The following SGCZ variants were observed in gnomAD, a reference collection of about 807,000 sequenced individuals.
SGCZ encodes sarcoglycan zeta, also known as zeta-sarcoglycan.
Under a neutral mutation model 41.3 loss-of-function variants are expected in SGCZ, and 40 were observed. The ratio of observed to expected loss-of-function variants is 0.97; its 90% CI spans 0.75 to 1.26. SGCZ has a LOEUF of 1.26. Ranked by LOEUF, SGCZ falls within the 50% of genes most tolerant of loss-of-function variation. The pLI, the probability that SGCZ is intolerant of heterozygous loss-of-function variation, is 0.00. For synonymous variants in SGCZ, 206 were observed against 137.5 expected, an observed-to-expected ratio of 1.50 and a Z score of -3.49; for missense variants, 552 against 369.8, an observed-to-expected ratio of 1.49 and a Z score of -4.04.
chr8:14,591,784 T>C (rs1805247974), intron 1 of SGCZ, among the ~76,000 whole-genome samples: 1 of 152,180 alleles, frequency 6.6e-6, no homozygotes. Context: ...AAAAGCACTT[T>C]TGACATTCAT....
chr8:15,182,812 G>T (rs1163827438), intron 1 of SGCZ, among the ~76,000 whole-genome samples: 1 of 152,014 alleles, frequency 6.6e-6, no homozygotes, highest in Non-Finnish European at 1.5e-5. Flanking sequence ...CTTTATCAAG[G>T]TTATAATTTT....
chr8:14,979,471 A>T (rs1195992170), intron 1 of SGCZ, among the ~76,000 whole-genome samples: 3 of 152,232 alleles, frequency 2.0e-5, no homozygotes, highest in African/African-American at 7.2e-5. Context: ...TCTCTTTTGG[A>T]AATTTTAATG....
chr8:14,428,387 A>G (rs1454614164), intron 2 of SGCZ, among the ~76,000 whole-genome samples: 1 of 152,010 alleles, frequency 6.6e-6, no homozygotes, highest in Non-Finnish European at 1.5e-5. Flanking sequence ...GACTTACATT[A>G]ACTTTATTAT....
intron 5 of SGCZ, among the ~76,000 whole-genome samples, chr8:14,153,774 A>G (rs1012645723): frequency 1.3e-5 from 2 of 152,050 alleles, no homozygotes; most frequent in African/African-American, 4.8e-5. Context: ...CTAACCCTCA[A>G]TGTGATTGAG....
intron 1 of SGCZ, among the ~76,000 whole-genome samples, chr8:15,175,978 A>G (rs987674654): frequency 2.0e-5 from 3 of 152,206 alleles, no homozygotes; most frequent in Non-Finnish European, 4.4e-5. Context: ...AGACAGCATT[A>G]AACACCAGGA....
At chr8:14,255,758 G>C (rs1222676364) in intron 3 of SGCZ, among the ~76,000 whole-genome samples, 1 of 151,990 alleles carries the variant, frequency 6.6e-6, no homozygotes, top group Non-Finnish European at 1.5e-5. Flanking sequence ...TAATGTGTGG[G>C]ATGAGAAATA....
At chr8:14,250,415 C>G (rs981080944) in intron 3 of SGCZ, among the ~76,000 whole-genome samples, 1 of 152,072 alleles carries the variant, frequency 6.6e-6, no homozygotes, top group East Asian at 1.9e-4. Flanking sequence ...AGTTAAGCTA[C>G]ATTTTCTAAT....
At chr8:14,729,644 A>AAATCAATCAATC (rs56104484) in intron 1 of SGCZ, among the ~76,000 whole-genome samples, 7 of 150,748 alleles carry the variant, frequency 4.6e-5, no homozygotes, top group East Asian at 2.0e-4. Flanking sequence ...AGAGCGTTAA[A>AAATCAATCAATC]AATCAATCAA....
intron 1 of SGCZ, among the ~76,000 whole-genome samples, chr8:15,127,336 T>A (rs1188785897): frequency 2.0e-5 from 3 of 151,910 alleles, no homozygotes; most frequent in Admixed American, 2.0e-4. Flanking sequence ...TAATTACAAC[T>A]AAGTGATATG....
At chr8:14,398,342 G>A (rs1798976266) in intron 2 of SGCZ, among the ~76,000 whole-genome samples, 1 of 152,166 alleles carries the variant, frequency 6.6e-6, no homozygotes, top group African/African-American at 2.4e-5. Flanking sequence ...CCTTGAAGGT[G>A]TCCTGATTAC....
intron 1 of SGCZ, among the ~76,000 whole-genome samples, chr8:14,934,971 G>C (rs1180241320): frequency 4.8e-5 from 7 of 144,818 alleles, no homozygotes; most frequent in African/African-American, 1.8e-4. Flanking sequence ...GTTATTCAGA[G>C]TTATTCATCC....
chr8:14,123,413 G>A (rs1278222800), intron 5 of SGCZ, among the ~76,000 whole-genome samples: 1 of 152,074 alleles, frequency 6.6e-6, no homozygotes, highest in East Asian at 1.9e-4. Flanking sequence ...GTGGGTAAAT[G>A]GGAAAATGAT....
At chr8:14,237,758 G>C (rs746055139) in intron 3 of SGCZ, 79 bp from the exon 4 acceptor site, 5 of 1,308,280 alleles carry the variant, frequency 3.8e-6, no homozygotes, top group Non-Finnish European at 5.4e-6. Context: ...GCATTTGTTT[G>C]GATATTCTGA....
chr8:14,107,175 C>T (rs1380676562), intron 6 of SGCZ, among the ~76,000 whole-genome samples: 2 of 151,544 alleles, frequency 1.3e-5, no homozygotes, highest in South Asian at 2.1e-4. Context: ...GAGATAGCAC[C>T]GCTGCACTCC....
At chr8:14,398,106 G>A (rs1332929978) in intron 2 of SGCZ, among the ~76,000 whole-genome samples, 1 of 152,086 alleles carries the variant, frequency 6.6e-6, no homozygotes, top group Admixed American at 6.6e-5. Flanking sequence ...TTGACATCAA[G>A]TAGTCTAGAT....
chr8:15,082,944 C>G, intron 1 of SGCZ, among the ~76,000 whole-genome samples: 1 of 151,996 alleles, frequency 6.6e-6, no homozygotes, highest in Non-Finnish European at 1.5e-5. Flanking sequence ...TTCTAAACTG[C>G]AGATCAAAGC....
chr8:15,180,821 A>T (rs1310053092), intron 1 of SGCZ, among the ~76,000 whole-genome samples: 2 of 151,930 alleles, frequency 1.3e-5, no homozygotes, highest in East Asian at 3.9e-4. Context: ...CAGGAGGCAG[A>T]GTTTGCAGTG....
chr8:15,029,202 G>C (rs1354377348), intron 1 of SGCZ, among the ~76,000 whole-genome samples: 1 of 152,102 alleles, frequency 6.6e-6, no homozygotes, highest in South Asian at 2.1e-4. Flanking sequence ...AATTTAATGT[G>C]CTTTGGTACC....
intron 4 of SGCZ, among the ~76,000 whole-genome samples, chr8:14,185,952 G>A (rs897188646): frequency 7.2e-5 from 11 of 152,166 alleles, no homozygotes; most frequent in Non-Finnish European, 1.3e-4. Flanking sequence ...CTTGGAATCT[G>A]CGTTTCTAAT....
Sources: allele counts gnomAD v4.1 joint callset (sites outside exome capture counted in the v4.1 genomes callset), GRCh38; gene constraint gnomAD v4.1.1; transcripts MANE v1.5; gene names NCBI Gene and HGNC (gene_info 2026-07-23, HGNC 2026-07-21).